The following SNX2 variants were observed in gnomAD, a reference collection of about 807,000 sequenced individuals.
SNX2 encodes sorting nexin 2.
SNX2 carries 25 observed loss-of-function variants against 69.9 expected under a neutral mutation model. The ratio of observed to expected loss-of-function variants is 0.36; its 90% CI spans 0.26 to 0.50. The LOEUF is 0.50. Ranked by LOEUF, SNX2 falls within the 20% of genes least tolerant of loss-of-function variation. The probability of loss-of-function intolerance (pLI) is 0.97; values close to 1 mark genes in which losing one functional copy is unlikely to be tolerated. For synonymous variants in SNX2, 229 were observed against 200.4 expected (o/e 1.14, Z -1.20); for missense variants, 551 against 613.3 (o/e 0.90, Z 1.07).
At position 122,830,474 on chromosome 5, in the gene SNX2, T is replaced by G. The variant is rs1440187261; in HGVS notation, c.*826T>G. On this transcript the variant is annotated 3_prime_UTR_variant, in exon 15 of 15. Transcript: ENST00000379516. ...TCGTTATCTTCAGAATCTCGTACTT[T>G]GCATATATTTAATTTATTCTTGTCT... Among the ~76,000 whole-genome samples, 1 of 152,240 alleles carries G rather than the reference T, an allele frequency of 6.6e-6. No homozygotes were observed. Among genetic ancestry groups the G allele is most frequent in the Non-Finnish European group, 1.5e-5 (1 of 68,036 alleles).
intron 6 of SNX2, 162 bp downstream of exon 6, chr5:122,803,775 A>C: frequency 1.9e-6 from 1 of 533,962 alleles, no homozygotes; most frequent in Non-Finnish European, 3.2e-6. Context: ...CATGGATTGA[A>C]GAATGTATTG....
intron 6 of SNX2, among the ~76,000 whole-genome samples, chr5:122,807,253 C>A (rs1205668369): frequency 1.3e-5 from 2 of 151,552 alleles, no homozygotes; most frequent in Non-Finnish European, 2.9e-5. Flanking sequence ...CAGAGTGAGA[C>A]CGTGTTTCGA....
At chr5:122,808,216 AT>A (rs1460657841) in intron 6 of SNX2, 60 bp from the exon 7 acceptor site, 8 of 1,050,234 alleles carry the variant, frequency 7.6e-6, no homozygotes, top group Non-Finnish European at 1.1e-5. Flanking sequence ...TGAAGAAATG[AT>A]TATGAAAGAC....
At chr5:122,792,456 G>C (rs1000194016) in intron 1 of SNX2, among the ~76,000 whole-genome samples, 1 of 152,152 alleles carries the variant, frequency 6.6e-6, no homozygotes, top group Non-Finnish European at 1.5e-5. Flanking sequence ...AATTAGCTGG[G>C]TGTGGTGGCG....
rs561802663 is a variant in SNX2 at position 122,815,774 on chromosome 5, A to G, written c.723-122A>G. ...TAAGATTCTAAGTAATTACAGTGAGAGTAGTCTAATACGAGGTAGTGAGGA... is the reference window on the plus strand; with the variant it reads ...TAAGATTCTAAGTAATTACAGTGAGGGTAGTCTAATACGAGGTAGTGAGGA... On this transcript the variant is annotated intron_variant, in intron 7 of 14. Transcript: ENST00000379516. 234 of 471,708 alleles carry G rather than the reference A, an allele frequency of 5.0e-4. 2 individuals carry two copies. The South Asian group carries it at 0.011, about 21-fold the overall frequency. The allele number at this position is 471,708 out of a possible 1,614,324, so 29.2% of individuals were successfully genotyped here. A position where few individuals can be genotyped will look rare whatever the true frequency, so the allele number is the denominator to read the frequency against.
intron 12 of SNX2, chr5:122,826,623 C>A: frequency 1.1e-6 from 1 of 937,840 alleles, no homozygotes; most frequent in African/African-American, 1.8e-5. Flanking sequence ...ACTTTTCTTA[C>A]CATGCTTCAA....
At chr5:122,806,142 G>GCGCGCACACACACACACACACACACA in intron 6 of SNX2, among the ~76,000 whole-genome samples, 28 of 130,652 alleles carry the variant, frequency 2.1e-4, no homozygotes, top group Non-Finnish European at 3.4e-4. Context: ...ACACGCGCGC[G>GCGCGCACACACACACACACACACACA]CACACACACA....
intron 11 of SNX2, among the ~76,000 whole-genome samples, chr5:122,821,380 G>T (rs998868750): frequency 4.6e-5 from 7 of 151,478 alleles, no homozygotes; most frequent in African/African-American, 1.7e-4. Context: ...AATATACTGT[G>T]TGTAGTGTTC....
At chr5:122,788,739 G>A (rs1753144745) in intron 1 of SNX2, among the ~76,000 whole-genome samples, 1 of 151,114 alleles carries the variant, frequency 6.6e-6, no homozygotes. Flanking sequence ...CTAACATTTT[G>A]TTTTCTTTCT....
intron 6 of SNX2, among the ~76,000 whole-genome samples, chr5:122,806,142 G>GCGCACGCGCGCGCGCACACACACACACA: frequency 1.4e-4 from 18 of 130,650 alleles, no homozygotes; most frequent in Non-Finnish European, 2.8e-4. Flanking sequence ...ACACGCGCGC[G>GCGCACGCGCGCGCGCACACACACACACA]CACACACACA....
chr5:122,831,992 A>G lies in SNX2; in HGVS notation c.*2344A>G, dbSNP rs2150020609. 6.6e-6 allele frequency among the ~76,000 whole-genome samples: 1 copy of G among 152,342 alleles called. No homozygotes were observed. Among genetic ancestry groups the G allele is most frequent in the South Asian group, 2.1e-4 (1 of 4,830 alleles). Reference sequence around the variant, plus strand: ...ATTTAAACAGGATTTAATTATTTCAACACTTCACCCATCAATCTTCACTTC... The same window carrying G: ...ATTTAAACAGGATTTAATTATTTCAGCACTTCACCCATCAATCTTCACTTC... On this transcript the variant is annotated 3_prime_UTR_variant, in exon 15 of 15. Transcript: ENST00000379516.
rs375110035 is a variant in SNX2, at chr5:122,802,167, A to G, written c.501+43A>G. 6 of 1,472,920 alleles carry G rather than the reference A, an allele frequency of 4.1e-6. No homozygotes were observed. The African/African-American group carries it at 8.3e-5, about 20-fold the overall frequency. 91.2% of individuals were successfully genotyped at this position (1,472,920 alleles called of 1,614,324 possible). On this transcript the variant is annotated intron_variant, in intron 5 of 14. Transcript: ENST00000379516. ...TTAAAAAAACTATCGAGCCCTCATT[A>G]TGTGTAGTATGAGGATATGGCTATG...
chr5:122,793,091 C>G (rs1027495853), intron 1 of SNX2, among the ~76,000 whole-genome samples: 2 of 152,188 alleles, frequency 1.3e-5, no homozygotes, highest in East Asian at 1.9e-4. Context: ...GAACATTCAT[C>G]TACCCTGTGA....
At chr5:122,815,996 G>A in intron 8 of SNX2, 25 bp downstream of exon 8, 1 of 1,269,118 alleles carries the variant, frequency 7.9e-7, no homozygotes, top group Non-Finnish European at 1.1e-6. Context: ...TTAAATGTTT[G>A]TATATGAATG....
At chr5:122,823,779 C>CGT (rs10559762) in intron 11 of SNX2, among the ~76,000 whole-genome samples, 12,524 of 145,768 alleles carry the variant, frequency 0.086, 665 homozygotes, top group East Asian at 0.31. Flanking sequence ...AACATGTGGT[C>CGT]GTGTGTGTGT....
At chr5:122,826,595 G>C (rs1272910021) in intron 12 of SNX2, 2 of 793,648 alleles carry the variant, frequency 2.5e-6, no homozygotes, top group African/African-American at 1.9e-5. Context: ...ATTTGTATAA[G>C]TTTATTATAA....
At chr5:122,776,614 T>A (rs938384655) in intron 1 of SNX2, among the ~76,000 whole-genome samples, 1 of 152,204 alleles carries the variant, frequency 6.6e-6, no homozygotes, top group Non-Finnish European at 1.5e-5. Context: ...TTTAGCCCTT[T>A]CTACTTACTA....
intron 1 of SNX2, among the ~76,000 whole-genome samples, chr5:122,793,675 C>A (rs997258387): frequency 6.6e-6 from 1 of 151,178 alleles, no homozygotes; most frequent in Non-Finnish European, 1.5e-5. Flanking sequence ...TTTGGGAGGC[C>A]AAGGCGGGCG....
At chr5:122,801,061 T>G in intron 3 of SNX2, among the ~76,000 whole-genome samples, 1 of 152,170 alleles carries the variant, frequency 6.6e-6, no homozygotes, top group East Asian at 1.9e-4. Flanking sequence ...TAGAGAAATC[T>G]TGATACTAAA....
Sources: allele counts gnomAD v4.1 joint callset (sites outside exome capture counted in the v4.1 genomes callset), GRCh38; gene constraint gnomAD v4.1.1; transcripts MANE v1.5; gene names NCBI Gene and HGNC (gene_info 2026-07-23, HGNC 2026-07-21).